Variants in ANGPT1 observed in about 807,000 individuals in gnomAD.
ANGPT1 encodes the protein angiopoietin 1.
A neutral mutation model predicts 62.2 loss-of-function variants in ANGPT1; 17 were observed. The ratio of observed to expected loss-of-function variants is 0.27; its 90% CI spans 0.19 to 0.41. The LOEUF is 0.41. Among genes scored for constraint, ANGPT1 ranks in the 10% least tolerant of loss-of-function variants. ANGPT1 has a pLI of 1.00. For synonymous variants in ANGPT1, 199 were observed against 198.9 expected, an observed-to-expected ratio of 1.00 and a Z score of 0.00; for missense variants, 478 against 594.9, an observed-to-expected ratio of 0.80 and a Z score of 2.04.
chr8:107,492,472 A>C (rs921059067), intron 1 of ANGPT1, among the ~76,000 whole-genome samples: 1 of 152,096 alleles, frequency 6.6e-6, no homozygotes, highest in Non-Finnish European at 1.5e-5. Flanking sequence ...AGTAGCTGGG[A>C]TTACAGGCAC....
intron 4 of ANGPT1, among the ~76,000 whole-genome samples, chr8:107,312,747 G>A (rs1346845459): frequency 6.6e-6 from 1 of 152,126 alleles, no homozygotes; most frequent in African/African-American, 2.4e-5. Flanking sequence ...ATGTAGGTTT[G>A]TGTAGGATAC....
At chr8:107,422,954 A>T (rs1415208781) in intron 1 of ANGPT1, among the ~76,000 whole-genome samples, 1 of 152,224 alleles carries the variant, frequency 6.6e-6, no homozygotes, top group Non-Finnish European at 1.5e-5. Context: ...CAGGTTGTAT[A>T]TAAAGAAGAA....
intron 1 of ANGPT1, among the ~76,000 whole-genome samples, chr8:107,378,405 C>G (rs1816570289): frequency 1.3e-5 from 2 of 152,058 alleles, no homozygotes; most frequent in Admixed American, 1.3e-4. Context: ...AATGCAGATG[C>G]CACTGATATG....
At chr8:107,333,937 A>T (rs1334608396) in intron 3 of ANGPT1, among the ~76,000 whole-genome samples, 2 of 147,020 alleles carry the variant, frequency 1.4e-5, no homozygotes, top group Non-Finnish European at 3.0e-5. Flanking sequence ...AAAGAAAGAA[A>T]GAAAGAAAAA....
At chr8:107,462,272 AT>A (rs1812089053) in intron 1 of ANGPT1, among the ~76,000 whole-genome samples, 1 of 151,966 alleles carries the variant, frequency 6.6e-6, no homozygotes, top group South Asian at 2.1e-4. Flanking sequence ...TAAAACTGAA[AT>A]TGGTTCTGGG....
chr8:107,419,576 C>T (rs1169059340), intron 1 of ANGPT1, among the ~76,000 whole-genome samples: 1 of 152,140 alleles, frequency 6.6e-6, no homozygotes. Flanking sequence ...CCCCATGTCA[C>T]TTATTAAATA....
intron 1 of ANGPT1, among the ~76,000 whole-genome samples, chr8:107,403,132 T>C (rs1176497835): frequency 6.6e-6 from 1 of 152,182 alleles, no homozygotes; most frequent in African/African-American, 2.4e-5. Flanking sequence ...GAATCTTTTA[T>C]TGTTAAAACT....
intron 1 of ANGPT1, among the ~76,000 whole-genome samples, chr8:107,367,641 G>A (rs961646657): frequency 6.6e-6 from 1 of 152,072 alleles, no homozygotes; most frequent in Non-Finnish European, 1.5e-5. Context: ...TTCAAAATGG[G>A]ACTCAATCCT....
intron 1 of ANGPT1, among the ~76,000 whole-genome samples, chr8:107,491,792 A>G (rs539758382): frequency 1.3e-5 from 2 of 152,336 alleles, no homozygotes; most frequent in Admixed American, 1.3e-4. Context: ...AAGTTGTAGG[A>G]GGATTTTAAG....
chr8:107,390,890 A>G (rs570345673), intron 1 of ANGPT1, among the ~76,000 whole-genome samples: 2 of 152,222 alleles, frequency 1.3e-5, no homozygotes, highest in South Asian at 2.1e-4. Context: ...TTCAGAATCC[A>G]TGGTCTGCTG....
intron 1 of ANGPT1, among the ~76,000 whole-genome samples, chr8:107,482,503 G>A (rs895942076): frequency 1.8e-4 from 28 of 152,280 alleles, no homozygotes; most frequent in Admixed American, 1.8e-3. Flanking sequence ...GGGGTATATG[G>A]ACTTCTAACA....
At chr8:107,350,390 T>G (rs761534329) in intron 1 of ANGPT1, among the ~76,000 whole-genome samples, 1 of 152,100 alleles carries the variant, frequency 6.6e-6, no homozygotes, top group Non-Finnish European at 1.5e-5. Flanking sequence ...TTCCCAGAGT[T>G]TGATTTGCTC....
chr8:107,415,515 T>C (rs569519341), intron 1 of ANGPT1, among the ~76,000 whole-genome samples: 2 of 152,278 alleles, frequency 1.3e-5, no homozygotes, highest in African/African-American at 4.8e-5. Flanking sequence ...CCAGAAAAGG[T>C]TTACTTTACC....
At chr8:107,357,472 T>A (rs1229319737) in intron 1 of ANGPT1, among the ~76,000 whole-genome samples, 1 of 152,190 alleles carries the variant, frequency 6.6e-6, no homozygotes, top group African/African-American at 2.4e-5. Context: ...ATACATTCTG[T>A]TTCACTTAAA....
At chr8:107,369,191 C>T (rs1344081549) in intron 1 of ANGPT1, among the ~76,000 whole-genome samples, 1 of 152,170 alleles carries the variant, frequency 6.6e-6, no homozygotes, top group Admixed American at 6.5e-5. Context: ...GCACTTGCTG[C>T]CTCACCTTGC....
In ANGPT1 at chr8:107,405,850, C is replaced by G. The variant is rs1243163252; in HGVS notation, c.298-58753G>C. Among the ~76,000 whole-genome samples the G allele has an allele frequency of 2.0e-5, 3 of 151,682 alleles. No homozygotes were observed. The East Asian group carries it at 5.8e-4, about 29-fold the overall frequency. ...TTTAAAATAAAACTGTAATAAATAT[C>G]CTTGTAAGTAAAATTTGATATTCCT... On this transcript the variant is annotated intron_variant, in intron 1 of 8. Transcript: ENST00000517746.
At chr8:107,339,189 C>G (rs1201949007) in intron 2 of ANGPT1, among the ~76,000 whole-genome samples, 1 of 152,138 alleles carries the variant, frequency 6.6e-6, no homozygotes, top group Non-Finnish European at 1.5e-5. Context: ...CTTGCCCTAC[C>G]TCAAGTCTAT....
intron 1 of ANGPT1, among the ~76,000 whole-genome samples, chr8:107,456,761 A>T (rs764834269): frequency 2.6e-5 from 4 of 152,048 alleles, no homozygotes; most frequent in Non-Finnish European, 5.9e-5. Flanking sequence ...TAAAATAGAA[A>T]TATAAAACCT....
At chr8:107,444,264 G>A (rs1811555841) in intron 1 of ANGPT1, among the ~76,000 whole-genome samples, 1 of 152,114 alleles carries the variant, frequency 6.6e-6, no homozygotes, top group African/African-American at 2.4e-5. Flanking sequence ...GATACCTAGG[G>A]GAAAGGACAG....
Sources: allele counts gnomAD v4.1 joint callset (sites outside exome capture counted in the v4.1 genomes callset), GRCh38; gene constraint gnomAD v4.1.1; transcripts MANE v1.5; gene names NCBI Gene and HGNC (gene_info 2026-07-23, HGNC 2026-07-21).